Variants in CCDC88A observed in about 807,000 individuals in gnomAD.
CCDC88A encodes coiled-coil and HOOK domain protein 88A.
In CCDC88A, 54 loss-of-function variants were observed where a neutral mutation model predicts 234.3. The ratio of observed to expected loss-of-function variants is 0.23; its 90% confidence interval spans 0.19 to 0.29. The LOEUF is 0.29. Ranked by LOEUF, CCDC88A falls within the 10% of genes least tolerant of loss-of-function variation. CCDC88A has a pLI of 1.00. For synonymous variants in CCDC88A, 753 were observed against 737.8 expected (o/e 1.02, Z -0.33); for missense variants, 1,832 against 2,123.4 (o/e 0.86, Z 2.70).
At chr2:55,372,412 G>A (rs915603908) in intron 5 of CCDC88A, 40 bp downstream of exon 5, 7 of 956,106 alleles carry the variant, frequency 7.3e-6, no homozygotes, top group African/African-American at 1.7e-5. Flanking sequence ...TATATAAAGA[G>A]GTTGTTAAAA....
rs548780773 is a variant in CCDC88A at position 55,372,563 on chromosome 2, T to C, written c.344-53A>G. Reference sequence around the variant, plus strand: ...ACATTCTGCTATATTTTCAACTCTATTATATTTGGAGAATCACTTCTAGAG... The same window carrying C: ...ACATTCTGCTATATTTTCAACTCTACTATATTTGGAGAATCACTTCTAGAG... On this transcript the variant is annotated intron_variant, in intron 4 of 32. Coordinates refer to ENST00000436346, the MANE Select transcript of CCDC88A (RefSeq NM_001365480.1). 3.3e-5 allele frequency: 29 copies of C among 866,934 alleles called. No homozygotes were observed. The South Asian group carries it at 3.4e-4, about 10-fold the overall frequency. The allele number at this position is 866,934 out of a possible 1,614,324, so 53.7% of individuals were successfully genotyped here. A position where few individuals can be genotyped will look rare whatever the true frequency, so the allele number is the denominator to read the frequency against.
chr2:55,410,497 A>G (rs1246486633), intron 2 of CCDC88A, among the ~76,000 whole-genome samples: 2 of 152,250 alleles, frequency 1.3e-5, no homozygotes, highest in African/African-American at 4.8e-5. Flanking sequence ...CTATTGTGGT[A>G]AATGGATGCT....
chr2:55,294,315 G>A lies in CCDC88A; in HGVS notation c.5551+1282C>T, dbSNP rs184180540. ...TCTTGTATTTATCAGATGATGAAAA[G>A]TGCAGAGAAGAAACAATAAATACAA... On this transcript the variant is annotated intron_variant, in intron 31 of 32. Coordinates refer to ENST00000436346, the MANE Select transcript of CCDC88A (RefSeq NM_001365480.1). 155 of 983,328 alleles carry A rather than the reference G, an allele frequency of 1.6e-4. No individual in the cohort carries two copies. In the Admixed American group the frequency reaches 2.6e-3, roughly 16 times the overall value. The allele number at this position is 983,328 out of a possible 1,614,324, so 60.9% of individuals were successfully genotyped here. A position where few individuals can be genotyped will look rare whatever the true frequency, so the allele number is the denominator to read the frequency against.
intron 2 of CCDC88A, chr2:55,403,866 C>T (rs555780058): frequency 2.6e-4 from 40 of 152,310 alleles, no homozygotes; most frequent in African/African-American, 8.9e-4. Context: ...TGTGATGGAA[C>T]ATTTTACCCA....
Position 55,355,721 on chromosome 2 carries a change from C to A in CCDC88A, c.658G>T (p.Gly220Cys). 1 of 1,613,740 alleles carries A rather than the reference C, an allele frequency of 6.2e-7. No homozygotes were observed. Among genetic ancestry groups the A allele is most frequent in the Non-Finnish European group, 8.5e-7 (1 of 1,179,758 alleles). The change falls in exon 8 of 33, where the codon GGT becomes TGT. Residue 220 changes from glycine to cysteine, a missense_variant. Gly to Cys is a radical substitution (Grantham distance 159). Coordinates refer to ENST00000436346, the MANE Select transcript of CCDC88A (RefSeq NM_001365480.1). ...GAGGCATGGGGTAGAAAATGGAGAC[C>A]ATCCCGCTCTTCAGAGAGTTCTATG... Reference protein sequence around the residue: ...TIIELSEERDGLHFLPHASSS... With the variant: ...TIIELSEERDCLHFLPHASSS...
intron 2 of CCDC88A, among the ~76,000 whole-genome samples, chr2:55,393,211 T>A (rs920374566): frequency 8.6e-5 from 13 of 151,606 alleles, no homozygotes; most frequent in Admixed American, 5.3e-4. Flanking sequence ...CTTTGTGAAA[T>A]GGATTTTTTT....
At chr2:55,348,845 G>C (rs2589091) in intron 9 of CCDC88A, 2 of 151,984 alleles carry the variant, frequency 1.3e-5, no homozygotes, top group Middle Eastern at 3.4e-3. Flanking sequence ...ATCTATGAAG[G>C]TCCCAGTTTA....
intron 32 of CCDC88A, 148 bp downstream of exon 32, chr2:55,291,528 T>TGC (rs1334349167): frequency 2.5e-6 from 1 of 407,300 alleles, no homozygotes; most frequent in African/African-American, 2.1e-5. Flanking sequence ...CAACTAATCT[T>TGC]GCTTCACTAG....
At chr2:55,352,643 T>C (rs1477675628) in intron 8 of CCDC88A, among the ~76,000 whole-genome samples, 2 of 152,192 alleles carry the variant, frequency 1.3e-5, no homozygotes, top group Non-Finnish European at 1.5e-5. Flanking sequence ...ATGGGATTTA[T>C]GGAGGCAGAG....
chr2:55,336,895 G>A (rs878921806), intron 13 of CCDC88A, 77 bp from the exon 14 acceptor site: 22 of 862,308 alleles, frequency 2.6e-5, no homozygotes, highest in South Asian at 5.3e-5. Flanking sequence ...AAACATAATC[G>A]CTGAATAAAG....
intron 8 of CCDC88A, among the ~76,000 whole-genome samples, chr2:55,351,595 C>G (rs190300174): frequency 5.3e-5 from 8 of 152,350 alleles, no homozygotes; most frequent in African/African-American, 7.2e-5. Context: ...ATCCTCTTGC[C>G]TCAGCCTCCC....
chr2:55,304,152 T>A (rs981199280), intron 25 of CCDC88A, among the ~76,000 whole-genome samples: 1 of 150,978 alleles, frequency 6.6e-6, no homozygotes, highest in Non-Finnish European at 1.5e-5. Context: ...CTACAAAAAA[T>A]TAGCCATGTG....
intron 8 of CCDC88A, among the ~76,000 whole-genome samples, chr2:55,353,107 T>A (rs1278192381): frequency 1.3e-5 from 2 of 152,190 alleles, no homozygotes; most frequent in Non-Finnish European, 2.9e-5. Flanking sequence ...ATTAAAAATA[T>A]CCATTTACAT....
At chr2:55,343,284 T>C (rs1196910474) in intron 12 of CCDC88A, among the ~76,000 whole-genome samples, 2 of 152,142 alleles carry the variant, frequency 1.3e-5, no homozygotes, top group African/African-American at 4.8e-5. Context: ...CTATTTGGGT[T>C]TACCTATAGT....
intron 16 of CCDC88A, chr2:55,330,028 C>A (rs1488943462): frequency 6.6e-6 from 1 of 152,008 alleles, no homozygotes; most frequent in Non-Finnish European, 1.5e-5. Context: ...CCCAAAGTGC[C>A]GGGATTACAG....
rs1234947845 is a variant in CCDC88A at position 55,334,547 on chromosome 2, G to A, written c.2274C>T (p.Tyr758=). Residue 758 remains tyrosine, a synonymous_variant, in exon 15 of 33, where the codon TAC becomes TAT. Coordinates refer to ENST00000436346, the MANE Select transcript of CCDC88A (RefSeq NM_001365480.1). The surrounding 1 kb of genome is among the most constrained non-coding windows in gnomAD (Gnocchi z 6.1). ...TTTGATTTTCTATATCTAAACCCTG[G>A]TAGCTAACTTCTAAGCGTTCTGTTT... ...FKKTERLEVS[Y]QGLDIENQRL... 6.2e-7 allele frequency: 1 copy of A among 1,612,272 alleles called. No individual in the cohort carries two copies. The highest frequency in any genetic ancestry group is 1.1e-5 in the South Asian group (1 of 91,032).
At chr2:55,291,507 C>G (rs1279737424) in intron 32 of CCDC88A, 169 bp downstream of exon 32, 2 of 395,524 alleles carry the variant, frequency 5.1e-6, no homozygotes, top group Non-Finnish European at 9.0e-6. Flanking sequence ...CAGGTAAAAA[C>G]CTATGGCAGC....
intron 25 of CCDC88A, among the ~76,000 whole-genome samples, chr2:55,306,646 T>G (rs1681606002): frequency 1.3e-5 from 2 of 152,122 alleles, no homozygotes; most frequent in African/African-American, 4.8e-5. Context: ...AGTGCAGTGG[T>G]GCAATATTGG....
At chr2:55,383,555 G>A (rs974636231) in intron 3 of CCDC88A, among the ~76,000 whole-genome samples, 3 of 151,376 alleles carry the variant, frequency 2.0e-5, no homozygotes, top group Non-Finnish European at 2.9e-5. Context: ...CCCGGGAGGC[G>A]GAGGTTGCAG....
Sources: allele counts gnomAD v4.1 joint callset (sites outside exome capture counted in the v4.1 genomes callset), GRCh38; gene constraint gnomAD v4.1.1; non-coding constraint Gnocchi (gnomAD v3.1); transcripts MANE v1.5; gene names NCBI Gene and HGNC (gene_info 2026-07-23, HGNC 2026-07-21).